NFKB1: variants seen among roughly 807,000 people sequenced by gnomAD.
NFKB1 encodes the protein nuclear factor NF-kappa-B p105 subunit.
In NFKB1, 9 loss-of-function variants were observed where a neutral mutation model predicts 105.1. The observed-to-expected ratio is 0.09, with a 90% CI of 0.05 to 0.15. The LOEUF is 0.15. NFKB1 is among the 10% of genes least tolerant of loss of function. The probability of loss-of-function intolerance (pLI) is 1.00; values close to 1 mark genes in which losing one functional copy is unlikely to be tolerated. For synonymous variants in NFKB1, 440 were observed against 442.2 expected, an observed-to-expected ratio of 1.00 and a Z score of 0.06; for missense variants, 830 against 1,203.7, an observed-to-expected ratio of 0.69 and a Z score of 4.59.
At chr4:102,615,803 G>A (rs1400509098) in intron 23 of NFKB1, among the ~76,000 whole-genome samples, 1 of 152,178 alleles carries the variant, frequency 6.6e-6, no homozygotes, top group Non-Finnish European at 1.5e-5. Flanking sequence ...TAAGAAGATA[G>A]CATTTTGATT....
In NFKB1 at chr4:102,555,237, G is replaced by A. The variant is rs78712059; in HGVS notation, c.259-11750G>A. Among the ~76,000 whole-genome samples the A allele has an allele frequency of 2.2e-3, 330 of 152,290 alleles. 1 individual carries two copies. Among genetic ancestry groups the A allele is most frequent in the African/African-American group, 7.7e-3 (318 of 41,556 alleles). Reference sequence around the variant, plus strand: ...AGCCTGTTGGGCCCCACTGTCCTCAGCCTTTCCTAATGTTGCCTGGGAACA... The same window carrying A: ...AGCCTGTTGGGCCCCACTGTCCTCAACCTTTCCTAATGTTGCCTGGGAACA... On this transcript the variant is annotated intron_variant, in intron 5 of 23. Transcript: ENST00000226574.
chr4:102,587,359 T>G (rs1725797343), intron 11 of NFKB1, among the ~76,000 whole-genome samples: 1 of 152,130 alleles, frequency 6.6e-6, no homozygotes, highest in South Asian at 2.1e-4. Context: ...AAATATGTCT[T>G]CAAATAATGC....
intron 22 of NFKB1, 23 bp downstream of exon 22, chr4:102,612,629 T>C: frequency 1.2e-6 from 2 of 1,604,956 alleles, no homozygotes; most frequent in Non-Finnish European, 8.5e-7. Flanking sequence ...CTTACAGATT[T>C]AGCAATTTTC....
chr4:102,594,374 T>C (rs987193812), intron 12 of NFKB1, among the ~76,000 whole-genome samples: 14 of 152,208 alleles, frequency 9.2e-5, no homozygotes, highest in African/African-American at 3.4e-4. Flanking sequence ...AGAGTCTTTG[T>C]AGTAAAATTA....
chr4:102,535,109 A>G (rs925487070), intron 4 of NFKB1, among the ~76,000 whole-genome samples: 3 of 151,830 alleles, frequency 2.0e-5, no homozygotes, highest in East Asian at 3.9e-4. Flanking sequence ...TCCATGTTCA[A>G]CTCTTTTAAG....
chr4:102,606,578 T>C lies in NFKB1; in HGVS notation c.1835T>C (p.Leu612Pro). The C allele has an allele frequency of 6.2e-7, 1 of 1,614,184 alleles. No individual in the cohort carries two copies. Among genetic ancestry groups the C allele is most frequent in the East Asian group, 2.2e-5 (1 of 44,878 alleles). Reference sequence around the variant, plus strand: ...AGGGCTGGGGCCGACCTGAGCCTTCTGGACCGCTTGGGTAACTCTGTTTTG... The same window carrying C: ...AGGGCTGGGGCCGACCTGAGCCTTCCGGACCGCTTGGGTAACTCTGTTTTG... ...LLRAGADLSL[L>P]DRLGNSVLHL... The change falls in exon 17 of 24, where the codon CTG (leucine) becomes CCG (proline). Residue 612 changes from leucine (L) to proline (P), a missense_variant. By Grantham distance (98) the Leu-to-Pro change is moderately conservative. Around this residue, in one of 8 missense-constraint regions of NFKB1, gnomAD observed 418 missense variants for 575.3 expected, o/e 0.73. Transcript: ENST00000226574.
At chr4:102,565,639 A>C (rs960248680) in intron 5 of NFKB1, among the ~76,000 whole-genome samples, 4 of 152,050 alleles carry the variant, frequency 2.6e-5, no homozygotes, top group Admixed American at 2.6e-4. Flanking sequence ...CTTCCATCAA[A>C]GAGTTATCTT....
At chr4:102,613,698 CTG>C in intron 23 of NFKB1, 117 bp downstream of exon 23, 2 of 1,181,650 alleles carry the variant, frequency 1.7e-6, no homozygotes, top group African/African-American at 1.5e-5. Context: ...ATACACTTCC[CTG>C]TGTGTCTCTC....
At chr4:102,537,829 C>T (rs769401577) in intron 4 of NFKB1, 29 bp from the exon 5 acceptor site, 4 of 1,380,222 alleles carry the variant, frequency 2.9e-6, no homozygotes, top group Non-Finnish European at 4.1e-6. Flanking sequence ...ATTTCTCAAA[C>T]TTAATTGGCT....
At chr4:102,608,720 CAT>C (rs1728071418) in intron 19 of NFKB1, among the ~76,000 whole-genome samples, 1 of 150,690 alleles carries the variant, frequency 6.6e-6, no homozygotes, top group South Asian at 2.1e-4. Flanking sequence ...AAGCAAAAGA[CAT>C]AGGAACTTTT....
At chr4:102,540,631 C>T (rs4648008) in intron 5 of NFKB1, among the ~76,000 whole-genome samples, 5,476 of 152,190 alleles carry the variant, frequency 0.036, 222 homozygotes, top group African/African-American at 0.1. Flanking sequence ...TATGACTATA[C>T]AAGCTGTCAT....
Position 102,529,903 on chromosome 4 carries a change from C to T in NFKB1, c.107C>T (p.Ala36Val). Residue 36 changes from alanine to valine, a missense_variant, in exon 3 of 24, where the codon GCA becomes GTA. Ala to Val is a moderately conservative substitution (Grantham distance 64). Around this residue, in one of 8 missense-constraint regions of NFKB1, gnomAD observed 46 missense variants for 48.3 expected, o/e 0.95. Coordinates refer to ENST00000226574, the MANE Select transcript of NFKB1 (RefSeq NM_003998.4). ...FNPEVFQPQM[A>V]LPTADGPYLQ... ...CCAGAAGTATTTCAACCACAGATGG[C>T]ACTGCCAACAGGTAAGAAAACTCAT... is the stretch of plus-strand genomic sequence containing the variant. 6.2e-7 allele frequency: 1 copy of T among 1,608,338 alleles called. No homozygotes were observed.
chr4:102,513,195 A>C (rs1739895279), intron 1 of NFKB1, among the ~76,000 whole-genome samples: 1 of 152,208 alleles, frequency 6.6e-6, no homozygotes, highest in African/African-American at 2.4e-5. Context: ...TGCCATCTGA[A>C]TGAAAGACCT....
chr4:102,610,723 A>C (rs1306519254), intron 20 of NFKB1, 24 bp downstream of exon 20: 8 of 1,611,984 alleles, frequency 5.0e-6, no homozygotes, highest in Middle Eastern at 1.7e-4. Context: ...CATCTGTCTG[A>C]TGGCTGCCCC....
At chr4:102,572,132 C>A (rs746007151) in intron 6 of NFKB1, among the ~76,000 whole-genome samples, 10 of 152,140 alleles carry the variant, frequency 6.6e-5, no homozygotes, top group Non-Finnish European at 1.5e-4. Flanking sequence ...GGCATATATA[C>A]ATCATGGAAT....
chr4:102,608,458 T>C (rs1444816471), intron 19 of NFKB1, among the ~76,000 whole-genome samples: 1 of 152,210 alleles, frequency 6.6e-6, no homozygotes, highest in African/African-American at 2.4e-5. Context: ...GACTTTATTC[T>C]CTGTACTATG....
rs75265196 is a variant in NFKB1, at chr4:102,608,879, G to A, written c.2227+1128G>A. Among the ~76,000 whole-genome samples the A allele has an allele frequency of 2.4e-3, 364 of 152,226 alleles. 2 individuals carry two copies. Among genetic ancestry groups the A allele is most frequent in the African/African-American group, 8.5e-3 (351 of 41,538 alleles). On this transcript the variant is annotated intron_variant, in intron 19 of 23. Coordinates refer to ENST00000226574, the MANE Select transcript of NFKB1 (RefSeq NM_003998.4). Reference sequence around the variant, plus strand: ...AACAAGAAGCTATAACCAGCCAGACGTGATGGCTCACACCTGTAAACTCAG... The same window carrying A: ...AACAAGAAGCTATAACCAGCCAGACATGATGGCTCACACCTGTAAACTCAG...
At chr4:102,607,456 G>T in intron 18 of NFKB1, 137 bp downstream of exon 18, 1 of 1,129,726 alleles carries the variant, frequency 8.9e-7, no homozygotes, top group Non-Finnish European at 1.3e-6. Context: ...GAGGGCTTCA[G>T]AGTACCACCT....
In NFKB1 at chr4:102,571,375, A is replaced by G. The variant is rs538978232; in HGVS notation, c.407+4240A>G. 2.0e-5 allele frequency among the ~76,000 whole-genome samples: 3 copies of G among 152,360 alleles called. No homozygotes were observed. The South Asian group carries it at 6.2e-4, about 32-fold the overall frequency. On this transcript the variant is annotated intron_variant, in intron 6 of 23. Coordinates refer to ENST00000226574, the MANE Select transcript of NFKB1 (RefSeq NM_003998.4). ...TTAAATGTTATATCTAAAACCATAA[A>G]AACCCTAGAAGAAGACCTAGGCAAT...
Sources: gnomAD v4.1 joint callset for allele counts (sites outside exome capture counted in the v4.1 genomes callset) on GRCh38, gnomAD v4.1.1 for gene constraint, gnomAD v4.1.1 regional missense constraint, MANE v1.5 for transcripts, NCBI Gene and HGNC (gene_info 2026-07-23, HGNC 2026-07-21) for gene names.